The following COL6A1 variants were observed in gnomAD, a reference collection of about 807,000 sequenced individuals.
The protein encoded by COL6A1 is collagen type VI alpha 1 chain.
A neutral mutation model predicts 145.6 loss-of-function variants in COL6A1; 80 were observed. The observed-to-expected ratio is 0.55, with a 90% confidence interval of 0.46 to 0.66. The LOEUF is 0.66. Ranked by LOEUF, COL6A1 falls within the 30% of genes least tolerant of loss-of-function variation. The pLI, the probability that COL6A1 is intolerant of heterozygous loss-of-function variation, is 0.00. For missense variants in COL6A1, 1,364 were observed against 1,473.8 expected (o/e 0.93, Z 1.22); for synonymous variants, 638 against 622.8 (o/e 1.02, Z -0.36).
chr21:45,984,282 G>T lies in COL6A1; in HGVS notation c.241G>T (p.Asp81Tyr). ...DNLRDRYYRC[D>Y]RNLVWNAGAL... ...TGTTCCTGGCAGGTACTACCGCTGT[G>T]ACCGAAACCTGGTGTGGAACGCAGG... The change falls in exon 3 of 35, where the codon GAC (aspartate) becomes TAC (tyrosine). Residue 81 changes from aspartate to tyrosine, a missense_variant. Physicochemically the swap from Asp to Tyr is radical, Grantham distance 160 (BLOSUM62 -3). Transcript: ENST00000361866. 6.2e-7 allele frequency: 1 copy of T among 1,608,608 alleles called. No homozygotes were observed. The highest frequency in any genetic ancestry group is 1.1e-5 in the South Asian group (1 of 90,208).
rs529470697 is a variant in COL6A1 at position 45,994,409 on chromosome 21, C to T, written c.1398+180C>T. Among the ~76,000 whole-genome samples the T allele has an allele frequency of 2.3e-4, 35 of 151,928 alleles. No individual in the cohort carries two copies. Among genetic ancestry groups the T allele is most frequent in the Non-Finnish European group, 4.0e-4 (27 of 67,950 alleles). ...GCAGGGGGTGAGGCGCGGCCTGGGC[C>T]GGGCTGGTGTGGATTGTTGAGAGCA... On this transcript the variant is annotated intron_variant, in intron 20 of 34. Transcript: ENST00000361866. The surrounding 1 kb of genome is among the most constrained non-coding windows in gnomAD (Gnocchi z 6.8).
rs918768210 is a variant in COL6A1, at chr21:45,982,802, G to A, written c.227+39G>A. The A allele has an allele frequency of 3.1e-6, 5 of 1,607,536 alleles. No individual in the cohort carries two copies. In the African/African-American group the frequency reaches 6.7e-5, roughly 21 times the overall value. ...CCCGTGACCTTCCTCCTGTGCTTCT[G>A]GGCCTCTTGGAGGGAGGGGTGGGGG... On this transcript the variant is annotated intron_variant, in intron 2 of 34. Coordinates refer to ENST00000361866, the MANE Select transcript of COL6A1 (RefSeq NM_001848.3).
chr21:46,003,540 C>CG lies in COL6A1; in HGVS notation c.2617dup (p.Val873GlyfsTer108). 1 of 1,612,008 alleles carries CG rather than the reference C, an allele frequency of 6.2e-7. No homozygotes were observed. The highest frequency in any genetic ancestry group is 8.5e-7 in the Non-Finnish European group (1 of 1,179,442). On this transcript the variant is annotated frameshift_variant, in exon 35 of 35. Coordinates refer to ENST00000361866, the MANE Select transcript of COL6A1 (RefSeq NM_001848.3). LOFTEE classifies it high-confidence loss of function. ...CAGGACGGACCCCGCCCACGACGTGCGGGTGGCGGTGGTGCAGTACAGCGG... is the reference window on the plus strand; with the variant it reads ...CAGGACGGACCCCGCCCACGACGTGCGGGGTGGCGGTGGTGCAGTACAGCGG...
At chr21:45,988,458 GGGGATGTCGGGGTCCAGATGGAA>G (rs1402742346) in intron 8 of COL6A1, among the ~76,000 whole-genome samples, 12 of 149,502 alleles carry the variant, frequency 8.0e-5, no homozygotes, top group African/African-American at 2.7e-4. Context: ...TCCAGATGGA[GGGGATGTCGGGGTCCAGATGGAA>G]GGGACGGCGG....
At chr21:46,001,670 C>T (rs1283790682) in intron 30 of COL6A1, among the ~76,000 whole-genome samples, 1 of 152,158 alleles carries the variant, frequency 6.6e-6, no homozygotes, top group Non-Finnish European at 1.5e-5. Flanking sequence ...GCTTGTCCCT[C>T]GTGGACAGAA....
chr21:46,003,557 G>A lies in COL6A1; in HGVS notation c.2631G>A (p.Gln877=). Residue 877 remains glutamine, a synonymous_variant, in exon 35 of 35, where the codon CAG becomes CAA. Coordinates refer to ENST00000361866, the MANE Select transcript of COL6A1 (RefSeq NM_001848.3). ...PAHDVRVAVV[Q]YSGTGQQRPE... Reference sequence around the variant, plus strand: ...ACGACGTGCGGGTGGCGGTGGTGCAGTACAGCGGCACGGGCCAGCAGCGCC... The same window carrying A: ...ACGACGTGCGGGTGGCGGTGGTGCAATACAGCGGCACGGGCCAGCAGCGCC... The A allele has an allele frequency of 1.2e-6, 2 of 1,612,528 alleles. No homozygotes were observed. Among genetic ancestry groups the A allele is most frequent in the Middle Eastern group, 1.7e-4 (1 of 6,060 alleles).
In COL6A1 at chr21:45,994,140, C is replaced by G. The variant is rs1018305938; in HGVS notation, c.1336-27C>G. On this transcript the variant is annotated intron_variant, in intron 19 of 34. Coordinates refer to ENST00000361866, the MANE Select transcript of COL6A1 (RefSeq NM_001848.3). The surrounding 1 kb of genome is among the most constrained non-coding windows in gnomAD (Gnocchi z 6.8). ...CATCCTCCCCAAGGATGGCCCAGCT[C>G]CACACTCACGGCTCGTTTCTCTTCA... 1.3e-6 allele frequency: 2 copies of G among 1,584,840 alleles called. No individual in the cohort carries two copies. Among genetic ancestry groups the G allele is most frequent in the Non-Finnish European group, 1.7e-6 (2 of 1,165,868 alleles).
At chr21:45,984,838 A>G (rs1335678451) in intron 3 of COL6A1, among the ~76,000 whole-genome samples, 1 of 152,064 alleles carries the variant, frequency 6.6e-6, no homozygotes. Context: ...AGACAGGCAG[A>G]CAGAGACAGA....
At chr21:45,991,240 G>C (rs376210029) in intron 15 of COL6A1, among the ~76,000 whole-genome samples, 199 bp downstream of exon 15, 2 of 152,210 alleles carry the variant, frequency 1.3e-5, no homozygotes, top group Non-Finnish European at 2.9e-5. Context: ...TGGCCGTGGC[G>C]CTCCCGCCCA....
At chr21:45,999,334 G>T (rs1352498559) in intron 26 of COL6A1, 116 bp downstream of exon 26, 11 of 1,081,798 alleles carry the variant, frequency 1.0e-5, no homozygotes, top group Non-Finnish European at 1.5e-5. Context: ...GGGAATTTTG[G>T]GGAGCACGTC....
chr21:45,989,177 G>A, intron 9 of COL6A1, 40 bp downstream of exon 9: 1 of 1,569,824 alleles, frequency 6.4e-7, no homozygotes, highest in Non-Finnish European at 8.6e-7. Flanking sequence ...TAAGAAGCTG[G>A]AGGCGGGGAA....
intron 9 of COL6A1, 22 bp downstream of exon 9, chr21:45,989,159 G>A (rs767120916): frequency 1.9e-6 from 3 of 1,583,508 alleles, no homozygotes; most frequent in Non-Finnish European, 2.6e-6. Context: ...ACTGTGGGGT[G>A]GGGGCCCTAA....
In COL6A1 at chr21:45,990,818, G is replaced by A. The variant is rs1362441737; in HGVS notation, c.1048G>A (p.Gly350Arg). The change falls in exon 14 of 35, where the codon GGG becomes AGG. Residue 350 changes from glycine to arginine, a missense_variant. Gly to Arg is a moderately radical substitution (Grantham distance 125, BLOSUM62 -2). Coordinates refer to ENST00000361866, the MANE Select transcript of COL6A1 (RefSeq NM_001848.3). The part of the protein sequence containing the change: ...PGLPGCKGSP[G>R]FDGIQGPPGP... Reference sequence around the variant, plus strand: ...CCTGCCAGGCTGCAAGGGCTCGCCCGGGTTTGACGTAAGTCACTTCCTCTC... The same window carrying A: ...CCTGCCAGGCTGCAAGGGCTCGCCCAGGTTTGACGTAAGTCACTTCCTCTC... The A allele has an allele frequency of 2.5e-6, 4 of 1,613,424 alleles. No individual in the cohort carries two copies. The highest frequency in any genetic ancestry group is 1.1e-5 in the South Asian group (1 of 91,058).
At chr21:45,990,718 G>T in intron 13 of COL6A1, 55 bp from the exon 14 acceptor site, 1 of 1,501,978 alleles carries the variant, frequency 6.7e-7, no homozygotes, top group Non-Finnish European at 9.3e-7. Flanking sequence ...ACAGTTGATT[G>T]GCCTCAGTTT....
chr21:45,998,034 C>T (rs1003082800), intron 22 of COL6A1, 87 bp from the exon 23 acceptor site: 21 of 1,512,456 alleles, frequency 1.4e-5, no homozygotes, highest in Admixed American at 1.8e-5. Context: ...AGGGGCCCTG[C>T]GGGTGAGGTG....
At chr21:45,990,490 A>T in intron 13 of COL6A1, 68 bp downstream of exon 13, 11 of 201,082 alleles carry the variant, frequency 5.5e-5, no homozygotes, top group Non-Finnish European at 9.6e-5. Flanking sequence ...GGAGGGACGG[A>T]GTGGACGGCG....
At chr21:46,002,127 CG>C in intron 31 of COL6A1, 57 bp downstream of exon 31, 1 of 1,577,912 alleles carries the variant, frequency 6.3e-7, no homozygotes, top group East Asian at 2.3e-5. Context: ...GCTGTTCCCA[CG>C]GCAGGTCGGC....
intron 2 of COL6A1, among the ~76,000 whole-genome samples, 190 bp from the exon 3 acceptor site, chr21:45,984,079 C>T (rs1161217774): frequency 6.6e-6 from 1 of 152,198 alleles, no homozygotes; most frequent in Non-Finnish European, 1.5e-5. Context: ...GCGCAGGTCG[C>T]TTGCTGGCCA....
Position 45,990,247 on chromosome 21 carries a change from T to G in COL6A1, c.931-11T>G, listed in dbSNP as rs1460498435. On this transcript the variant is annotated splice_polypyrimidine_tract_variant and intron_variant, in intron 11 of 34. Coordinates refer to ENST00000361866, the MANE Select transcript of COL6A1 (RefSeq NM_001848.3). ...CAAATACCCCCTCACACCCGCTTCC[T>G]GTCTCCGCAGGGCTCCAGGGGACCC... 1.3e-6 allele frequency: 2 copies of G among 1,577,946 alleles called. No individual in the cohort carries two copies. Among genetic ancestry groups the G allele is most frequent in the African/African-American group, 1.4e-5 (1 of 73,610 alleles).
Sources: allele counts gnomAD v4.1 joint callset (sites outside exome capture counted in the v4.1 genomes callset), GRCh38; gene constraint gnomAD v4.1.1; non-coding constraint Gnocchi (gnomAD v3.1); transcripts MANE v1.5; gene names NCBI Gene and HGNC (gene_info 2026-07-23, HGNC 2026-07-21).